The following FCHO2 variants were observed in gnomAD, a reference collection of about 807,000 sequenced individuals.
The protein encoded by FCHO2 is F-BAR domain only protein 2.
In FCHO2, 43 loss-of-function variants were observed where a neutral mutation model predicts 114.1. That is an observed-to-expected ratio of 0.38 (90% CI 0.30 to 0.49). FCHO2 has a LOEUF of 0.49. Among genes scored for constraint, FCHO2 ranks in the 20% least tolerant of loss-of-function variants. The probability of loss-of-function intolerance (pLI) is 0.97; values close to 1 mark genes in which losing one functional copy is unlikely to be tolerated. For missense variants in FCHO2, 807 were observed against 950.4 expected (o/e 0.85, Z 1.98); for synonymous variants, 293 against 315.2 (o/e 0.93, Z 0.75).
intron 5 of FCHO2, among the ~76,000 whole-genome samples, chr5:73,003,447 G>T (rs1354459919): frequency 2.0e-5 from 3 of 152,044 alleles, no homozygotes; most frequent in Admixed American, 6.6e-5. Flanking sequence ...CAAAGTGCTG[G>T]GATTATAGGC....
chr5:72,994,709 A>G (rs1753987094), intron 5 of FCHO2, among the ~76,000 whole-genome samples: 1 of 152,210 alleles, frequency 6.6e-6, no homozygotes, highest in Non-Finnish European at 1.5e-5. Context: ...ACTATTCACA[A>G]TATCTAAATG....
intron 2 of FCHO2, among the ~76,000 whole-genome samples, chr5:72,980,997 T>C (rs1164074227): frequency 6.6e-6 from 1 of 152,192 alleles, no homozygotes; most frequent in Non-Finnish European, 1.5e-5. Flanking sequence ...TGATGCTAGC[T>C]GGTTATTTTG....
chr5:73,055,291 A>T (rs541826170), intron 15 of FCHO2, among the ~76,000 whole-genome samples: 1 of 152,310 alleles, frequency 6.6e-6, no homozygotes, highest in South Asian at 2.1e-4. Context: ...AGAATAGCAC[A>T]ATAAACACTG....
chr5:73,021,198 T>C (rs1295267140), intron 8 of FCHO2: 1 of 759,098 alleles, frequency 1.3e-6, no homozygotes, highest in African/African-American at 1.7e-5. Context: ...GTAGAGCAAG[T>C]GATTTGACTG....
intron 5 of FCHO2, among the ~76,000 whole-genome samples, chr5:72,994,921 A>C (rs1754002204): frequency 6.6e-6 from 1 of 152,160 alleles, no homozygotes; most frequent in Non-Finnish European, 1.5e-5. Flanking sequence ...ATGAGAACAC[A>C]TAGAGAGGAA....
chr5:73,068,145 T>G (rs1742451095), intron 18 of FCHO2, among the ~76,000 whole-genome samples: 2 of 152,070 alleles, frequency 1.3e-5, no homozygotes, highest in Admixed American at 1.3e-4. Flanking sequence ...AAAGCTCAGA[T>G]AATACTAAAA....
intron 7 of FCHO2, 122 bp from the exon 8 acceptor site, chr5:73,017,090 A>T (rs1755343979): frequency 3.5e-6 from 2 of 578,248 alleles, no homozygotes; most frequent in East Asian, 6.7e-5. Context: ...AAGTCCTCAA[A>T]GGGCCTTGGG....
chr5:73,076,536 A>G (rs1468052139), intron 20 of FCHO2, among the ~76,000 whole-genome samples: 1 of 152,196 alleles, frequency 6.6e-6, no homozygotes, highest in East Asian at 1.9e-4. Flanking sequence ...AAGAGGGAAC[A>G]ATCACATGAA....
intron 10 of FCHO2, among the ~76,000 whole-genome samples, chr5:73,040,312 A>C (rs182922479): frequency 1.3e-5 from 2 of 152,308 alleles, no homozygotes; most frequent in African/African-American, 2.4e-5. Context: ...GTTCCAATGA[A>C]CATTTTGTTT....
chr5:73,029,683 A>T (rs1165967057), intron 8 of FCHO2, among the ~76,000 whole-genome samples: 1 of 152,174 alleles, frequency 6.6e-6, no homozygotes, highest in Non-Finnish European at 1.5e-5. Flanking sequence ...AGGAAACTTA[A>T]AATCATAGTG....
chr5:73,058,399 G>A lies in FCHO2; in HGVS notation c.1254-34G>A, dbSNP rs148747732. ...AATTTTATACTAATAAAATATTCTC[G>A]TTAAAATTTTTGCTTTTAAAAATAT... On this transcript the variant is annotated intron_variant, in intron 16 of 25. Coordinates refer to ENST00000430046, the MANE Select transcript of FCHO2 (RefSeq NM_138782.3). 3.8e-4 allele frequency: 545 copies of A among 1,436,922 alleles called. 2 individuals carry two copies. The African/African-American group carries it at 5.9e-3, about 15-fold the overall frequency. 89.0% of individuals were successfully genotyped at this position (1,436,922 alleles called of 1,614,324 possible). A position where few individuals can be genotyped will look rare whatever the true frequency, so the allele number is the denominator to read the frequency against.
At chr5:73,000,550 C>T (rs903157734) in intron 5 of FCHO2, among the ~76,000 whole-genome samples, 6 of 147,728 alleles carry the variant, frequency 4.1e-5, no homozygotes, top group Admixed American at 6.8e-5. Flanking sequence ...CCAAAGCGGG[C>T]GGATCACTTG....
At chr5:73,001,405 C>T (rs1353634869) in intron 5 of FCHO2, among the ~76,000 whole-genome samples, 1 of 140,262 alleles carries the variant, frequency 7.1e-6, no homozygotes, top group African/African-American at 2.7e-5. Context: ...GCCATGATTG[C>T]ACCACTGCAC....
At chr5:72,971,119 G>T in intron 2 of FCHO2, among the ~76,000 whole-genome samples, 2 of 152,042 alleles carry the variant, frequency 1.3e-5, no homozygotes, top group Non-Finnish European at 2.9e-5. Flanking sequence ...ATTTGGGTTG[G>T]TTCCAAGTCT....
Position 73,088,748 on chromosome 5 carries a change from C to T in FCHO2, c.*658C>T, listed in dbSNP as rs1743392990. On this transcript the variant is annotated 3_prime_UTR_variant, in exon 26 of 26. Transcript: ENST00000430046. The stretch of plus-strand genomic sequence containing the variant: ...ATAAGCTTGCAAATGACAGCAGAGA[C>T]ATTTACTTCTGCAGTTAGTTAACTT... 6.6e-6 allele frequency: 1 copy of T among 152,554 alleles called. No homozygotes were observed. The highest frequency in any genetic ancestry group is 2.4e-5 in the African/African-American group (1 of 41,422). 9.5% of individuals were successfully genotyped at this position (152,554 alleles called of 1,614,324 possible). A position where few individuals can be genotyped will look rare whatever the true frequency, so the allele number is the denominator to read the frequency against.
At chr5:73,044,067 C>T (rs756869496) in intron 11 of FCHO2, among the ~76,000 whole-genome samples, 34 of 152,068 alleles carry the variant, frequency 2.2e-4, no homozygotes, top group Admixed American at 5.2e-4. Context: ...TGTAGCATCT[C>T]CCCCTTCACT....
chr5:73,063,082 C>CT (rs1168671813), intron 17 of FCHO2, among the ~76,000 whole-genome samples: 1 of 151,804 alleles, frequency 6.6e-6, no homozygotes, highest in Admixed American at 6.6e-5. Context: ...ATTTTTTTTA[C>CT]TCCTTCTTTG....
At chr5:73,034,912 G>C (rs935142035) in intron 9 of FCHO2, among the ~76,000 whole-genome samples, 5 of 152,206 alleles carry the variant, frequency 3.3e-5, no homozygotes, top group African/African-American at 1.2e-4. Context: ...TAGTGTGTTA[G>C]ATTATATATT....
At chr5:73,072,472 C>CTA in intron 19 of FCHO2, among the ~76,000 whole-genome samples, 1 of 152,150 alleles carries the variant, frequency 6.6e-6, no homozygotes, top group South Asian at 2.1e-4. Context: ...CGTAGCAGCA[C>CTA]TATTCACAGC....
Sources: allele counts gnomAD v4.1 joint callset (sites outside exome capture counted in the v4.1 genomes callset), GRCh38; gene constraint gnomAD v4.1.1; transcripts MANE v1.5; gene names NCBI Gene and HGNC (gene_info 2026-07-23, HGNC 2026-07-21).